EPRS1: variants seen among roughly 807,000 people sequenced by gnomAD.
EPRS1 encodes bifunctional glutamate/proline--tRNA ligase.
In EPRS1, 107 loss-of-function variants were observed where a neutral mutation model predicts 188.3. That is an observed-to-expected ratio of 0.57 (90% CI 0.49 to 0.67). The LOEUF (loss-of-function observed/expected upper bound fraction) is 0.67, where lower values mean the gene tolerates loss of function less well. Among genes scored for constraint, EPRS1 ranks in the 30% least tolerant of loss-of-function variants. EPRS1 has a pLI of 0.00. For synonymous variants in EPRS1, 596 were observed against 593.1 expected (o/e 1.00, Z -0.07); for missense variants, 1,577 against 1,802.2 (o/e 0.88, Z 2.26).
Position 219,981,226 on chromosome 1 carries a change from T to C in EPRS1, c.3453+152A>G, listed in dbSNP as rs1660889873. 1.1e-5 allele frequency: 6 copies of C among 524,792 alleles called. 1 individual carries two copies. The highest frequency in any genetic ancestry group is 7.7e-5 in the South Asian group (2 of 25,990). 32.5% of individuals were successfully genotyped at this position (524,792 alleles called of 1,614,324 possible). On this transcript the variant is annotated intron_variant, in intron 24 of 31. Transcript: ENST00000366923. ...TTCCAATTTTTATTACCATTTTATA[T>C]AATAAGTAATCAAAAATTACAATTT...
In EPRS1 at chr1:220,046,482, G is replaced by C. The variant is rs1662406412; in HGVS notation, c.-94C>G. 6.5e-7 allele frequency: 1 copy of C among 1,541,878 alleles called. No individual in the cohort carries two copies. The highest frequency in any genetic ancestry group is 8.7e-7 in the Non-Finnish European group (1 of 1,144,336). ...AAGGAAGAAGATGCAACGTGTGCGC[G>C]TACCCGACGCCGCCGCAGCCTTCGC... On this transcript the variant is annotated 5_prime_UTR_variant, in exon 1 of 32. Coordinates refer to ENST00000366923, the MANE Select transcript of EPRS1 (RefSeq NM_004446.3).
intron 12 of EPRS1, among the ~76,000 whole-genome samples, chr1:220,011,926 T>C (rs1247209012): frequency 1.3e-5 from 2 of 152,350 alleles, no homozygotes; most frequent in Non-Finnish European, 2.9e-5. Flanking sequence ...GAAGTTATTT[T>C]TTCTCATTAG....
intron 20 of EPRS1, among the ~76,000 whole-genome samples, chr1:219,985,049 G>GAAAAA (rs1305874124): frequency 4.2e-5 from 4 of 95,198 alleles, no homozygotes; most frequent in Non-Finnish European, 7.3e-5. Context: ...CGTCTCAAAA[G>GAAAAA]AAAAAAAAAA....
intron 9 of EPRS1, 103 bp from the exon 10 acceptor site, chr1:220,020,324 T>C: frequency 1.4e-6 from 1 of 740,106 alleles, no homozygotes; most frequent in Middle Eastern, 2.9e-4. Context: ...TCTTTACAAG[T>C]TAAGAGATTC....
intron 17 of EPRS1, 97 bp from the exon 18 acceptor site, chr1:219,997,439 T>A: frequency 9.1e-7 from 1 of 1,103,388 alleles, no homozygotes; most frequent in Non-Finnish European, 1.2e-6. Flanking sequence ...TGTTTCCAAT[T>A]AAAAACAGAA....
chr1:220,033,332 G>T (rs938803261), intron 4 of EPRS1, among the ~76,000 whole-genome samples, 170 bp downstream of exon 4: 14 of 151,980 alleles, frequency 9.2e-5, no homozygotes, highest in Admixed American at 9.2e-4. Flanking sequence ...AGCTGGATAG[G>T]AATAAAACAG....
chr1:220,016,467 G>C (rs1661715848), intron 12 of EPRS1, among the ~76,000 whole-genome samples: 1 of 151,206 alleles, frequency 6.6e-6, no homozygotes, highest in African/African-American at 2.4e-5. Context: ...CTGGATTGCA[G>C]TGGTGTGATC....
intron 11 of EPRS1, 25 bp from the exon 12 acceptor site, chr1:220,018,533 T>G (rs1661789142): frequency 6.5e-7 from 1 of 1,542,912 alleles, no homozygotes; most frequent in Non-Finnish European, 9.0e-7. Flanking sequence ...CAACATGATT[T>G]TAAGGGCAAG....
intron 3 of EPRS1, 143 bp from the exon 4 acceptor site, chr1:220,033,801 A>G: frequency 1.7e-6 from 1 of 593,832 alleles, no homozygotes; most frequent in Non-Finnish European, 3.0e-6. Flanking sequence ...ATTTATCATT[A>G]TGTGGACTAA....
chr1:220,006,246 T>A lies in EPRS1; in HGVS notation c.1810A>T (p.Thr604Ser). The A allele has an allele frequency of 6.3e-7, 1 of 1,598,794 alleles. No homozygotes were observed. Among genetic ancestry groups the A allele is most frequent in the Non-Finnish European group, 8.5e-7 (1 of 1,171,506 alleles). ...LNLENKDYKK[T>S]TKVTWLAETT... is the part of the protein sequence containing the mutation. ...TCTGCAAGCCAAGTGACCTTAGTGG[T>A]TTTCTTGTAGTCTTTGTTTTCCAAA... The change falls in exon 15 of 32, where the codon ACC (threonine) becomes TCC (serine). Residue 604 changes from threonine to serine, a missense_variant. Coordinates refer to ENST00000366923, the MANE Select transcript of EPRS1 (RefSeq NM_004446.3).
intron 6 of EPRS1, among the ~76,000 whole-genome samples, chr1:220,028,739 A>G (rs901773190): frequency 3.9e-5 from 6 of 152,198 alleles, no homozygotes; most frequent in Admixed American, 2.0e-4. Context: ...GCACCTGTAC[A>G]TAATAGGTGC....
chr1:219,989,740 C>T (rs1345920975), intron 18 of EPRS1, among the ~76,000 whole-genome samples: 6 of 152,098 alleles, frequency 3.9e-5, no homozygotes, highest in Non-Finnish European at 5.9e-5. Flanking sequence ...TACTTTATAA[C>T]GTTTTCTGCC....
At chr1:219,997,478 T>A in intron 17 of EPRS1, 136 bp from the exon 18 acceptor site, 1 of 724,446 alleles carries the variant, frequency 1.4e-6, no homozygotes, top group Non-Finnish European at 2.1e-6. Flanking sequence ...TTAAAAAGCT[T>A]AAATGAATAA....
In EPRS1 at chr1:220,037,089, G is replaced by A. The variant is rs530329795; in HGVS notation, c.132-2076C>T. Among the ~76,000 whole-genome samples, 7 of 152,082 alleles carry A rather than the reference G, an allele frequency of 4.6e-5. No homozygotes were observed. In the East Asian group the frequency reaches 9.7e-4, roughly 21 times the overall value. On this transcript the variant is annotated intron_variant, in intron 2 of 31. Transcript: ENST00000366923. ...CACACCTGTAGTCCCAGCTACTCAG[G>A]GGGCTGAAGCAGGTGTATCGCTAAG... is the stretch of plus-strand genomic sequence containing the variant.
chr1:219,983,947 T>A (rs1169537574), intron 21 of EPRS1, among the ~76,000 whole-genome samples: 1 of 151,364 alleles, frequency 6.6e-6, no homozygotes, highest in Non-Finnish European at 1.5e-5. Flanking sequence ...ATTGACTATA[T>A]CTTTGTGGCT....
At chr1:219,974,164 G>A (rs1005628439) in intron 28 of EPRS1, among the ~76,000 whole-genome samples, 15 of 152,030 alleles carry the variant, frequency 9.9e-5, no homozygotes, top group African/African-American at 2.4e-4. Flanking sequence ...GGCTGGTGTC[G>A]AACACCTGGC....
chr1:220,018,944 G>T, intron 11 of EPRS1, 51 bp downstream of exon 11: 1 of 1,168,868 alleles, frequency 8.6e-7, no homozygotes, highest in Non-Finnish European at 1.3e-6. Context: ...GACAGTAATA[G>T]AAGTACCTGA....
At chr1:220,012,829 G>T in intron 12 of EPRS1, among the ~76,000 whole-genome samples, 1 of 152,272 alleles carries the variant, frequency 6.6e-6, no homozygotes, top group African/African-American at 2.4e-5. Flanking sequence ...AAGTGAAGGG[G>T]GAAGGACCAG....
chr1:220,014,746 C>T (rs1661669745), intron 12 of EPRS1, among the ~76,000 whole-genome samples: 1 of 151,212 alleles, frequency 6.6e-6, no homozygotes, highest in Non-Finnish European at 1.5e-5. Flanking sequence ...TACAGTGAAG[C>T]TCAGTTGAAA....
Sources: allele counts gnomAD v4.1 joint callset (sites outside exome capture counted in the v4.1 genomes callset), GRCh38; gene constraint gnomAD v4.1.1; transcripts MANE v1.5; gene names NCBI Gene and HGNC (gene_info 2026-07-23, HGNC 2026-07-21).